TMOD2: variants seen among roughly 807,000 people sequenced by gnomAD.
TMOD2 encodes tropomodulin 2.
Under a neutral mutation model 39.9 loss-of-function variants are expected in TMOD2, and 22 were observed. The observed-to-expected ratio is 0.55, with a 90% CI of 0.39 to 0.79. The LOEUF is 0.79. TMOD2 is among the 30% of genes least tolerant of loss of function. TMOD2 has a pLI of 0.00. For missense variants in TMOD2, 386 were observed against 413.3 expected (o/e 0.93, Z 0.57); for synonymous variants, 123 against 146.1 (o/e 0.84, Z 1.14).
chr15:51,799,016 G>T (rs2056070909), intron 8 of TMOD2, among the ~76,000 whole-genome samples: 1 of 152,158 alleles, frequency 6.6e-6, no homozygotes, highest in Non-Finnish European at 1.5e-5. Flanking sequence ...ACCTCTTCCT[G>T]CCTGGCGACC....
At chr15:51,760,693 C>T (rs1343949001) in intron 1 of TMOD2, among the ~76,000 whole-genome samples, 3 of 152,010 alleles carry the variant, frequency 2.0e-5, no homozygotes, top group African/African-American at 7.3e-5. Flanking sequence ...GTAATCGCAG[C>T]TACTCTGGAG....
At chr15:51,783,083 A>AG (rs2055942630) in intron 7 of TMOD2, 1 of 456,954 alleles carries the variant, frequency 2.2e-6, no homozygotes, top group South Asian at 2.3e-5. Flanking sequence ...TAACTAACTG[A>AG]ATATTTAGAG....
At chr15:51,805,179 C>A (rs577328782) in intron 8 of TMOD2, among the ~76,000 whole-genome samples, 1 of 151,754 alleles carries the variant, frequency 6.6e-6, no homozygotes, top group Admixed American at 6.6e-5. Flanking sequence ...GGGCTGGTCT[C>A]AAACTCCTGA....
chr15:51,786,716 A>G lies in TMOD2; in HGVS notation c.732+3888A>G, dbSNP rs114845158. 2.7e-3 allele frequency among the ~76,000 whole-genome samples: 416 copies of G among 152,370 alleles called. 3 individuals carry two copies. The highest frequency in any genetic ancestry group is 9.5e-3 in the African/African-American group (395 of 41,586). Reference sequence around the variant, plus strand: ...ATAACCACATCTATAGCAACTGAGCATTCAAATGGAATTTGTCCCCACTGA... The same window carrying G: ...ATAACCACATCTATAGCAACTGAGCGTTCAAATGGAATTTGTCCCCACTGA... On this transcript the variant is annotated intron_variant, in intron 7 of 9. Transcript: ENST00000249700.
chr15:51,779,092 A>G (rs1374181498), intron 5 of TMOD2, among the ~76,000 whole-genome samples: 1 of 152,064 alleles, frequency 6.6e-6, no homozygotes, highest in Non-Finnish European at 1.5e-5. Flanking sequence ...AGTAGCTGGG[A>G]CTACAGGTGC....
At chr15:51,801,231 T>TCACACA (rs1182352451) in intron 8 of TMOD2, among the ~76,000 whole-genome samples, 56 of 97,406 alleles carry the variant, frequency 5.7e-4, no homozygotes, top group Admixed American at 2.6e-3. Flanking sequence ...TCTCTCTCTC[T>TCACACA]CTCTCTCACA....
intron 1 of TMOD2, among the ~76,000 whole-genome samples, chr15:51,760,270 C>T (rs1361524355): frequency 1.3e-5 from 2 of 152,348 alleles, no homozygotes; most frequent in South Asian, 2.1e-4. Flanking sequence ...TGTCACTGGG[C>T]TAAAATCAAG....
At chr15:51,764,198 T>C (rs1719527615) in intron 1 of TMOD2, among the ~76,000 whole-genome samples, 1 of 152,074 alleles carries the variant, frequency 6.6e-6, no homozygotes. Flanking sequence ...ACACTTGTAA[T>C]CCCAGCTACT....
chr15:51,798,760 A>G (rs1482531299), intron 8 of TMOD2, among the ~76,000 whole-genome samples: 1 of 152,230 alleles, frequency 6.6e-6, no homozygotes, highest in Non-Finnish European at 1.5e-5. Flanking sequence ...AGCCGTGTCC[A>G]AAGATTCAGA....
chr15:51,774,617 T>C (rs2055875170), intron 4 of TMOD2, among the ~76,000 whole-genome samples: 1 of 152,184 alleles, frequency 6.6e-6, no homozygotes. Flanking sequence ...CCCAACTGCA[T>C]TTTCATTCCT....
rs1425298072 is a variant in TMOD2, at chr15:51,777,659, T to C, written c.493+641T>C. ...GTGTCAGGAATGTTCTAGGCTTAGG[T>C]ACAAAGATGAAAATGGTCCCTGCCC... On this transcript the variant is annotated intron_variant, in intron 5 of 9. Coordinates refer to ENST00000249700, the MANE Select transcript of TMOD2 (RefSeq NM_014548.4). 2.0e-5 allele frequency among the ~76,000 whole-genome samples: 3 copies of C among 152,186 alleles called. No homozygotes were observed. The East Asian group carries it at 5.8e-4, about 29-fold the overall frequency.
intron 4 of TMOD2, among the ~76,000 whole-genome samples, chr15:51,776,045 T>A (rs1048680063): frequency 2.0e-5 from 3 of 152,332 alleles, no homozygotes; most frequent in East Asian, 3.9e-4. Flanking sequence ...TCACACAGTT[T>A]AACGTGGTCA....
chr15:51,786,071 T>C (rs2055968253), intron 7 of TMOD2, among the ~76,000 whole-genome samples: 1 of 152,170 alleles, frequency 6.6e-6, no homozygotes, highest in South Asian at 2.1e-4. Flanking sequence ...TTTATATGGA[T>C]AGAGTTTTCA....
At chr15:51,805,912 G>A (rs1041879309) in intron 8 of TMOD2, among the ~76,000 whole-genome samples, 1 of 152,184 alleles carries the variant, frequency 6.6e-6, no homozygotes, top group Non-Finnish European at 1.5e-5. Context: ...AAAATTTTAT[G>A]TGTATTTTAC....
chr15:51,764,826 T>C (rs1226709084), intron 1 of TMOD2, among the ~76,000 whole-genome samples: 2 of 152,228 alleles, frequency 1.3e-5, no homozygotes, highest in Admixed American at 1.3e-4. Flanking sequence ...CCTCCTTCAA[T>C]GTTCAAACAC....
intron 7 of TMOD2, among the ~76,000 whole-genome samples, chr15:51,793,646 G>A (rs1215594941): frequency 6.6e-6 from 1 of 152,150 alleles, no homozygotes; most frequent in Non-Finnish European, 1.5e-5. Context: ...TCAAATATTT[G>A]CTGAACTGAA....
At position 51,815,546 on chromosome 15, in the gene TMOD2, G is replaced by A. The variant is rs1053083053; in HGVS notation, c.*7092G>A. 2.0e-5 allele frequency: 3 copies of A among 152,254 alleles called. No individual in the cohort carries two copies. The highest frequency in any genetic ancestry group is 6.5e-5 in the Admixed American group (1 of 15,304). The allele number at this position is 152,254 out of a possible 1,614,324, so 9.4% of individuals were successfully genotyped here. ...AGTAGATAGGAATCGGCCATATGAC[G>A]AAATGAGATCAATAGGAAATGTGCT... On this transcript the variant is annotated 3_prime_UTR_variant, in exon 10 of 10. Transcript: ENST00000249700.
chr15:51,766,071 C>T (rs2055814595), intron 1 of TMOD2, among the ~76,000 whole-genome samples: 1 of 152,230 alleles, frequency 6.6e-6, no homozygotes, highest in Non-Finnish European at 1.5e-5. Flanking sequence ...CGCATCCCAG[C>T]TCTGTGACCT....
At chr15:51,787,914 A>C (rs1288090145) in intron 7 of TMOD2, among the ~76,000 whole-genome samples, 1 of 152,222 alleles carries the variant, frequency 6.6e-6, no homozygotes, top group Non-Finnish European at 1.5e-5. Context: ...CAGAGCAGAA[A>C]GGCGGAAAAT....
Sources: allele counts gnomAD v4.1 joint callset (sites outside exome capture counted in the v4.1 genomes callset), GRCh38; gene constraint gnomAD v4.1.1; transcripts MANE v1.5; gene names NCBI Gene and HGNC (gene_info 2026-07-23, HGNC 2026-07-21).